The following PWP1 variants were observed in gnomAD, a reference collection of about 807,000 sequenced individuals.
PWP1 encodes the protein PWP1 homolog, endonuclein.
In PWP1, 47 loss-of-function variants were observed where a neutral mutation model predicts 69.9. That is an observed-to-expected ratio of 0.67 (90% CI 0.53 to 0.86). The LOEUF is 0.86. Ranked by LOEUF, PWP1 falls within the 40% of genes least tolerant of loss-of-function variation. The pLI, the probability that PWP1 is intolerant of heterozygous loss-of-function variation, is 0.00. For synonymous variants in PWP1, 222 were observed against 208.2 expected (o/e 1.07, Z -0.57); for missense variants, 551 against 608.8 (o/e 0.91, Z 1.00).
At chr12:107,690,635 G>A (rs543599784) in intron 3 of PWP1, among the ~76,000 whole-genome samples, 15 of 152,124 alleles carry the variant, frequency 9.9e-5, no homozygotes, top group African/African-American at 2.7e-4. Flanking sequence ...GCTAATTTTC[G>A]TGTTTTTAGT....
intron 9 of PWP1, 144 bp from the exon 10 acceptor site, chr12:107,703,541 A>G (rs1889754548): frequency 1.4e-6 from 1 of 698,362 alleles, no homozygotes; most frequent in South Asian, 1.9e-5. Context: ...TTGATTATGC[A>G]GTACATTTAT....
intron 13 of PWP1, among the ~76,000 whole-genome samples, 173 bp from the exon 14 acceptor site, chr12:107,710,232 C>T (rs1889920008): frequency 6.6e-6 from 1 of 152,152 alleles, no homozygotes. Flanking sequence ...TATTGTAGTA[C>T]TAGCCCTTCT....
In PWP1 at chr12:107,697,453, G is replaced by A. The variant is rs1308307719; in HGVS notation, c.614-14G>A. The A allele has an allele frequency of 7.0e-6, 11 of 1,566,750 alleles. No individual in the cohort carries two copies. The African/African-American group carries it at 1.4e-4, about 20-fold the overall frequency. On this transcript the variant is annotated splice_polypyrimidine_tract_variant and intron_variant, in intron 6 of 14. Transcript: ENST00000412830. ...TTTTTTGTGTAATCATACATGCATT[G>A]TTTCCTCCCATAGGAAATTACATTG...
chr12:107,692,586 G>T, intron 3 of PWP1: 1 of 480,540 alleles, frequency 2.1e-6, no homozygotes, highest in African/African-American at 2.0e-5. Context: ...TCTTTCATTG[G>T]AAGATTGTGA....
At chr12:107,705,734 T>C (rs866668288) in intron 11 of PWP1, among the ~76,000 whole-genome samples, 3 of 152,220 alleles carry the variant, frequency 2.0e-5, no homozygotes, top group South Asian at 4.2e-4. Flanking sequence ...TAGTATTCCA[T>C]GGTGTATATG....
intron 8 of PWP1, among the ~76,000 whole-genome samples, chr12:107,701,889 G>A (rs1279393334): frequency 6.6e-6 from 1 of 152,142 alleles, no homozygotes; most frequent in Non-Finnish European, 1.5e-5. Context: ...TGTAGGCCAG[G>A]CTTGTCTCAA....
chr12:107,702,095 G>A (rs1889723176), intron 8 of PWP1, among the ~76,000 whole-genome samples: 1 of 152,152 alleles, frequency 6.6e-6, no homozygotes, highest in Non-Finnish European at 1.5e-5. Context: ...TAATCTGTAT[G>A]TCCTTATGCC....
At chr12:107,707,789 G>A (rs1295781229) in intron 11 of PWP1, among the ~76,000 whole-genome samples, 1 of 152,080 alleles carries the variant, frequency 6.6e-6, no homozygotes, top group Non-Finnish European at 1.5e-5. Flanking sequence ...ATGTGCTGCT[G>A]GATTCGGTTT....
intron 5 of PWP1, among the ~76,000 whole-genome samples, 160 bp from the exon 6 acceptor site, chr12:107,696,314 C>T (rs1025942880): frequency 4.8e-4 from 73 of 152,076 alleles, no homozygotes; most frequent in Non-Finnish European, 5.9e-4. Context: ...ATTACAGGCA[C>T]GAGCCACTGC....
intron 3 of PWP1, chr12:107,692,603 A>C: frequency 1.9e-6 from 1 of 525,998 alleles, no homozygotes. Flanking sequence ...GTGAATTCCA[A>C]GACTGTCTGA....
chr12:107,707,579 C>T (rs1375769068), intron 11 of PWP1, among the ~76,000 whole-genome samples: 10 of 152,056 alleles, frequency 6.6e-5, no homozygotes, highest in Non-Finnish European at 1.5e-4. Flanking sequence ...TCATCAATAC[C>T]GAATTTATTG....
In PWP1 at chr12:107,697,507, A is replaced by G. The variant is rs1386399464; in HGVS notation, c.654A>G (p.Glu218=). The stretch of plus-strand genomic sequence containing the variant: ...TAGGAAACATGACCCCTGTTATTGA[A>G]GTGTGGGACCTTGATATAGTGGACT... ...IAVGNMTPVI[E]VWDLDIVDSL... is the part of the protein sequence containing the mutation. Residue 218 remains glutamate (E), a synonymous_variant, in exon 7 of 15, where the codon GAA becomes GAG. Coordinates refer to ENST00000412830, the MANE Select transcript of PWP1 (RefSeq NM_007062.3). 1 of 1,604,182 alleles carries G rather than the reference A, an allele frequency of 6.2e-7. No homozygotes were observed. Among genetic ancestry groups the G allele is most frequent in the East Asian group, 2.2e-5 (1 of 44,770 alleles).
At chr12:107,706,245 G>A (rs1407805852) in intron 11 of PWP1, among the ~76,000 whole-genome samples, 1 of 152,066 alleles carries the variant, frequency 6.6e-6, no homozygotes, top group East Asian at 1.9e-4. Flanking sequence ...TGATGGGGCT[G>A]TTTTTTTCTT....
chr12:107,704,486 G>C, intron 10 of PWP1, 150 bp from the exon 11 acceptor site: 1 of 574,378 alleles, frequency 1.7e-6, no homozygotes, highest in Admixed American at 3.4e-5. Context: ...CTGAAACTCA[G>C]CTCATTTTTT....
chr12:107,693,476 C>T (rs1213782493), intron 5 of PWP1, among the ~76,000 whole-genome samples: 1 of 152,178 alleles, frequency 6.6e-6, no homozygotes, highest in East Asian at 1.9e-4. Flanking sequence ...CCACACCTGG[C>T]CTCATAGAGG....
intron 5 of PWP1, among the ~76,000 whole-genome samples, chr12:107,695,103 A>C (rs567655389): frequency 9.1e-4 from 138 of 151,138 alleles, no homozygotes; most frequent in Middle Eastern, 3.4e-3. Context: ...AAAATACAAA[A>C]AAAAAAAAAA....
intron 8 of PWP1, among the ~76,000 whole-genome samples, chr12:107,701,869 G>C (rs949970080): frequency 6.6e-6 from 1 of 152,056 alleles, no homozygotes; most frequent in Non-Finnish European, 1.5e-5. Flanking sequence ...ATAGAGACAG[G>C]GTTTCACCAT....
chr12:107,710,654 C>T (rs2136290858), intron 14 of PWP1, 144 bp downstream of exon 14: 1 of 1,334,720 alleles, frequency 7.5e-7, no homozygotes, highest in Non-Finnish European at 9.9e-7. Context: ...TTCTGTATAG[C>T]TGGGATTACA....
intron 3 of PWP1, among the ~76,000 whole-genome samples, chr12:107,691,498 TC>T (rs1202325775): frequency 6.6e-6 from 1 of 152,046 alleles, no homozygotes; most frequent in Non-Finnish European, 1.5e-5. Context: ...ATAGGGTGAA[TC>T]TCTTAGAGGA....
Sources: gnomAD v4.1 joint callset for allele counts (sites outside exome capture counted in the v4.1 genomes callset) on GRCh38, gnomAD v4.1.1 for gene constraint, MANE v1.5 for transcripts, NCBI Gene and HGNC (gene_info 2026-07-23, HGNC 2026-07-21) for gene names.